MGAM: variants seen among roughly 807,000 people sequenced by gnomAD.
MGAM encodes maltase-glucoamylase.
A neutral mutation model predicts 358.8 loss-of-function variants in MGAM; 253 were observed. The observed-to-expected ratio is 0.71, with a 90% CI of 0.64 to 0.78. MGAM has a LOEUF of 0.78. MGAM is among the 30% of genes least tolerant of loss of function. MGAM has a pLI of 0.00. For missense variants in MGAM, 3,080 were observed against 3,432.6 expected (o/e 0.90, Z 2.57); for synonymous variants, 1,105 against 1,227.1 (o/e 0.90, Z 2.08).
Position 142,022,277 on chromosome 7 carries a change from G to A in MGAM, c.720G>A (p.Ser240=), listed in dbSNP as rs556518798. 9.3e-6 allele frequency: 15 copies of A among 1,607,086 alleles called. No homozygotes were observed. The highest frequency in any genetic ancestry group is 1.7e-4 in the Middle Eastern group (1 of 6,004). ...RRSNNRVLFD[S]SIGPLLFADQ... Reference sequence around the variant, plus strand: ...CTCCACCTGTGTCTAGGTTTGACTCGAGCATTGGGCCCCTACTGTTTGCTG... The same window carrying A: ...CTCCACCTGTGTCTAGGTTTGACTCAAGCATTGGGCCCCTACTGTTTGCTG... Residue 240 remains serine (S), a synonymous_variant, in exon 7 of 71, where the codon TCG becomes TCA. Transcript: ENST00000475668.
At chr7:142,063,651 G>A (rs879745665) in intron 36 of MGAM, 65 bp downstream of exon 36, 39 of 1,549,938 alleles carry the variant, frequency 2.5e-5, no homozygotes, top group East Asian at 4.7e-5. Context: ...GGAGGAGCCC[G>A]AGGCCAGGGG....
chr7:142,068,418 C>T (rs548242262), intron 42 of MGAM, among the ~76,000 whole-genome samples: 5 of 145,128 alleles, frequency 3.4e-5, no homozygotes, highest in South Asian at 2.2e-4. Context: ...TATTTTTTCC[C>T]GAAGTCCTGG....
In MGAM at chr7:142,060,395, T is replaced by C. The variant is rs750199979; in HGVS notation, c.4122+22T>C. The C allele has an allele frequency of 8.7e-6, 14 of 1,613,054 alleles. No homozygotes were observed. In the South Asian group the frequency reaches 1.4e-4, roughly 16 times the overall value. On this transcript the variant is annotated intron_variant, in intron 34 of 70. Coordinates refer to ENST00000475668, the MANE Select transcript of MGAM (RefSeq NM_001365693.1). ...GGAGGTAAAAGGGTGTTTGTAAATT[T>C]GGGTGGAGTCAGGGTTTGTAGGCAG...
chr7:142,033,621 T>C (rs1487404328), intron 14 of MGAM, among the ~76,000 whole-genome samples: 1 of 152,184 alleles, frequency 6.6e-6, no homozygotes, highest in African/African-American at 2.4e-5. Flanking sequence ...GCTAAACAGT[T>C]CATATTTTAC....
chr7:142,008,729 C>A (rs1554453405), intron 3 of MGAM, 24 bp downstream of exon 3: 1 of 1,600,094 alleles, frequency 6.2e-7, no homozygotes, highest in Admixed American at 1.7e-5. Flanking sequence ...ATTTTGTTTC[C>A]ATTTTAGAAT....
intron 22 of MGAM, among the ~76,000 whole-genome samples, chr7:142,049,951 A>G (rs1271410425): frequency 1.3e-5 from 2 of 152,198 alleles, no homozygotes; most frequent in Non-Finnish European, 2.9e-5. Flanking sequence ...CTGGGTGTAT[A>G]TCCAGAGGAC....
intron 2 of MGAM, among the ~76,000 whole-genome samples, chr7:141,989,570 A>G (rs1486772015): frequency 2.1e-5 from 3 of 143,430 alleles, no homozygotes; most frequent in Non-Finnish European, 3.1e-5. Flanking sequence ...TTTTTCGATT[A>G]TTAGAGACAG....
chr7:142,021,215 C>T, intron 5 of MGAM, 132 bp downstream of exon 5: 1 of 640,818 alleles, frequency 1.6e-6, no homozygotes, highest in South Asian at 2.1e-5. Context: ...TTAATTAGCA[C>T]CTGTATGTTA....
rs189342297 is a variant in MGAM, at chr7:142,047,568, A to G, written c.2499-217A>G. Among the ~76,000 whole-genome samples the G allele has an allele frequency of 2.8e-4, 42 of 152,238 alleles. No individual in the cohort carries two copies. The East Asian group carries it at 5.8e-3, about 21-fold the overall frequency. ...GTGCTTAAGTTCTTGCCTCTAACATAGATGTTATTGTTAATGTTTGGGGTA... is the reference window on the plus strand; with the variant it reads ...GTGCTTAAGTTCTTGCCTCTAACATGGATGTTATTGTTAATGTTTGGGGTA... On this transcript the variant is annotated intron_variant, in intron 21 of 70. Coordinates refer to ENST00000475668, the MANE Select transcript of MGAM (RefSeq NM_001365693.1).
intron 57 of MGAM, among the ~76,000 whole-genome samples, chr7:142,088,739 G>C (rs569777429): frequency 2.9e-5 from 3 of 102,502 alleles, no homozygotes; most frequent in Non-Finnish European, 6.0e-5. Context: ...CTGTCTGTCT[G>C]TCTGTCTGTC....
intron 21 of MGAM, among the ~76,000 whole-genome samples, chr7:142,041,285 T>C (rs1808507711): frequency 6.6e-6 from 1 of 152,144 alleles, no homozygotes; most frequent in Non-Finnish European, 1.5e-5. Flanking sequence ...GAGGTGCACA[T>C]TTATATCTTC....
rs10255702 is a variant in MGAM, at chr7:142,025,052, C to T, written c.885C>T (p.Asn295=). 0.02 allele frequency: 32,963 copies of T among 1,611,732 alleles called. 1,295 individuals carry two copies. The highest frequency in any genetic ancestry group is 0.14 in the East Asian group (6,118 of 44,810). ...GGTTTTTAATTCTCTTTCTGCAGAA[C>T]GGAACTAATTTGTATGGTGCGCAGA... ...IFNRDTTPNG[N]GTNLYGAQTF... is the part of the protein sequence containing the mutation. Residue 295 remains asparagine (N), a splice_region_variant and synonymous_variant, in exon 8 of 71, where the codon AAC becomes AAT. Coordinates refer to ENST00000475668, the MANE Select transcript of MGAM (RefSeq NM_001365693.1).
intron 21 of MGAM, among the ~76,000 whole-genome samples, chr7:142,046,393 G>A (rs1420400324): frequency 6.6e-6 from 1 of 151,650 alleles, no homozygotes; most frequent in Non-Finnish European, 1.5e-5. Flanking sequence ...TCTTATAACT[G>A]TGGGTCTCAT....
upstream of MGAM, among the ~76,000 whole-genome samples, chr7:141,991,436 ATT>A (rs782706798): frequency 3.6e-5 from 5 of 140,488 alleles, no homozygotes; most frequent in Admixed American, 7.2e-5. Context: ...GGAGAAAAGG[ATT>A]TTTTTTTTTT....
rs766277315 is a variant in MGAM at position 142,093,492 on chromosome 7, G to A, written c.7114G>A (p.Val2372Met). Reference sequence around the variant, plus strand: ...GCAGATCCTCCCAGACGGCTCCCCGGTGCAGCACTACAATGTGCACAACCT... The same window carrying A: ...GCAGATCCTCCCAGACGGCTCCCCGATGCAGCACTACAATGTGCACAACCT... ...SQQILPDGSP[V>M]QHYNVHNLYG... is the part of the protein sequence containing the mutation. Residue 2372 changes from valine (V) to methionine (M), a missense_variant, in exon 60 of 71, where the codon GTG becomes ATG. Physicochemically the swap from Val to Met is conservative, Grantham distance 21 (BLOSUM62 1). Transcript: ENST00000475668. The A allele has an allele frequency of 1.3e-5, 19 of 1,516,654 alleles. 4 individuals are homozygous for A. The highest frequency in any genetic ancestry group is 1.5e-5 in the Non-Finnish European group (17 of 1,112,362). The allele number at this position is 1,516,654 out of a possible 1,614,324, so 93.9% of individuals were successfully genotyped here. A position where few individuals can be genotyped will look rare whatever the true frequency, so the allele number is the denominator to read the frequency against.
At chr7:142,098,733 G>T (rs1816170448) in intron 66 of MGAM, among the ~76,000 whole-genome samples, 1 of 152,172 alleles carries the variant, frequency 6.6e-6, no homozygotes, top group South Asian at 2.1e-4. Context: ...ACTGGCCTTT[G>T]TCCTGAGTGT....
At chr7:142,048,646 G>C (rs892561393) in intron 22 of MGAM, among the ~76,000 whole-genome samples, 5 of 109,398 alleles carry the variant, frequency 4.6e-5, no homozygotes, top group African/African-American at 1.4e-4. Context: ...CAATTCCTGT[G>C]CTTCAAGTTT....
In MGAM at chr7:142,070,294, T is replaced by C. The variant is rs1204123904; in HGVS notation, c.5062-700T>C. Among the ~76,000 whole-genome samples the C allele has an allele frequency of 4.1e-5, 6 of 146,206 alleles. 1 individual carries two copies. On this transcript the variant is annotated intron_variant, in intron 43 of 70. Coordinates refer to ENST00000475668, the MANE Select transcript of MGAM (RefSeq NM_001365693.1). ...AATGAAGAAGTGTCACCTTAATTAA[T>C]CTTCCCAAGTTTGGGTAACTATTAC...
chr7:142,101,184 A>G (rs1180311945), intron 68 of MGAM, among the ~76,000 whole-genome samples: 1 of 152,088 alleles, frequency 6.6e-6, no homozygotes, highest in Non-Finnish European at 1.5e-5. Flanking sequence ...CTTTCATAGG[A>G]TTTATGGTCA....
Sources: gnomAD v4.1 joint callset for allele counts (sites outside exome capture counted in the v4.1 genomes callset) on GRCh38, gnomAD v4.1.1 for gene constraint, MANE v1.5 for transcripts, NCBI Gene and HGNC (gene_info 2026-07-23, HGNC 2026-07-21) for gene names.